The following ESR1 variants were observed in gnomAD, a reference collection of about 807,000 sequenced individuals.
ESR1 encodes the protein estrogen receptor 1, also known as estrogen receptor.
Under a neutral mutation model 52.7 loss-of-function variants are expected in ESR1, and 12 were observed. The observed-to-expected ratio is 0.23, with a 90% CI of 0.15 to 0.37. ESR1 has a LOEUF of 0.37. Ranked by LOEUF, ESR1 falls within the 10% of genes least tolerant of loss-of-function variation. The pLI, the probability that ESR1 is intolerant of heterozygous loss-of-function variation, is 1.00. For missense variants in ESR1, 584 were observed against 779.7 expected, an observed-to-expected ratio of 0.75 and a Z score of 2.99; for synonymous variants, 305 against 316.8, an observed-to-expected ratio of 0.96 and a Z score of 0.39.
intron 3 of ESR1, among the ~76,000 whole-genome samples, chr6:151,892,126 C>T (rs140851595): frequency 2.0e-5 from 3 of 152,256 alleles, no homozygotes; most frequent in Non-Finnish European, 4.4e-5. Flanking sequence ...GACTCTTTAC[C>T]TACTACCTAG....
At chr6:151,842,449 C>T in intron 1 of ESR1, 148 bp from the exon 2 acceptor site, 4 of 790,736 alleles carry the variant, frequency 5.1e-6, no homozygotes, top group Middle Eastern at 7.0e-4. Context: ...CCTTTTGCTG[C>T]AACAGACGGC....
chr6:152,028,157 T>C (rs975748323), intron 5 of ESR1, among the ~76,000 whole-genome samples: 1 of 151,594 alleles, frequency 6.6e-6, no homozygotes, highest in African/African-American at 2.4e-5. Flanking sequence ...AAAAAATAAA[T>C]AGGGGGCGGT....
intron 6 of ESR1, among the ~76,000 whole-genome samples, chr6:152,092,446 C>G (rs548294090): frequency 6.6e-6 from 1 of 151,286 alleles, no homozygotes; most frequent in South Asian, 2.1e-4. Context: ...AGATGTTTCT[C>G]CCATACCCGA....
intron 2 of ESR1, among the ~76,000 whole-genome samples, chr6:151,868,448 C>T (rs1234326945): frequency 1.3e-5 from 2 of 152,090 alleles, no homozygotes; most frequent in African/African-American, 4.8e-5. Context: ...GTTTTTCAGT[C>T]CTTGCCCCTG....
At chr6:151,835,839 C>T (rs1472142640) in intron 1 of ESR1, among the ~76,000 whole-genome samples, 2 of 151,890 alleles carry the variant, frequency 1.3e-5, no homozygotes, top group East Asian at 3.9e-4. Context: ...TTTATCACTC[C>T]CAGAATATAG....
At chr6:151,906,494 TA>T (rs746130923) in intron 3 of ESR1, among the ~76,000 whole-genome samples, 29 of 151,690 alleles carry the variant, frequency 1.9e-4, no homozygotes, top group Non-Finnish European at 3.8e-4. Context: ...ACACAATTAT[TA>T]AAAAATAGTT....
upstream of ESR1, among the ~76,000 whole-genome samples, chr6:151,803,059 C>G (rs527390466): frequency 7.9e-5 from 12 of 151,898 alleles, no homozygotes; most frequent in Admixed American, 5.2e-4. Flanking sequence ...ATCCAGACAC[C>G]TATAATATTA....
At chr6:151,939,600 T>A (rs1053797431) in intron 3 of ESR1, among the ~76,000 whole-genome samples, 4 of 152,088 alleles carry the variant, frequency 2.6e-5, no homozygotes, top group African/African-American at 9.7e-5. Context: ...CTTTTTTTTT[T>A]ACCTTCTTCC....
At chr6:151,842,136 T>G (rs1384622202) in intron 1 of ESR1, among the ~76,000 whole-genome samples, 1 of 152,192 alleles carries the variant, frequency 6.6e-6, no homozygotes, top group Non-Finnish European at 1.5e-5. Context: ...AAATTTGAAT[T>G]GTTATTTTTT....
At chr6:152,097,798 C>G (rs556840603) in intron 7 of ESR1, among the ~76,000 whole-genome samples, 1 of 152,238 alleles carries the variant, frequency 6.6e-6, no homozygotes, top group South Asian at 2.1e-4. Context: ...TGTTTTAGGC[C>G]TAGCAGGGGA....
intron 2 of ESR1, among the ~76,000 whole-genome samples, chr6:151,874,577 G>A (rs1389188130): frequency 1.3e-5 from 2 of 152,152 alleles, no homozygotes; most frequent in East Asian, 1.9e-4. Context: ...AGGCTATGAT[G>A]GAAGCAAATA....
At chr6:151,718,509 C>T (rs886250173) in intron 2 of ESR1, among the ~76,000 whole-genome samples, 6 of 152,066 alleles carry the variant, frequency 3.9e-5, no homozygotes, top group African/African-American at 1.5e-4. Context: ...ACTAAAATAT[C>T]GTATTAGTGT....
At chr6:151,820,388 T>C (rs927269099) in intron 1 of ESR1, among the ~76,000 whole-genome samples, 2 of 152,222 alleles carry the variant, frequency 1.3e-5, no homozygotes, top group African/African-American at 2.4e-5. Context: ...TTGAACACCA[T>C]GTACCCAGGT....
At chr6:151,881,283 A>G (rs942938568) in intron 3 of ESR1, among the ~76,000 whole-genome samples, 1 of 152,204 alleles carries the variant, frequency 6.6e-6, no homozygotes, top group Non-Finnish European at 1.5e-5. Flanking sequence ...TGAACCAGCC[A>G]CTTTCTTAAC....
At chr6:151,848,664 C>T (rs1276942610) in intron 2 of ESR1, among the ~76,000 whole-genome samples, 2 of 152,016 alleles carry the variant, frequency 1.3e-5, no homozygotes, top group African/African-American at 2.4e-5. Context: ...GGAGGCTGCC[C>T]GCCCATCATG....
chr6:151,769,130 T>G (rs1785299387), intron 2 of ESR1, among the ~76,000 whole-genome samples: 8 of 152,216 alleles, frequency 5.3e-5, no homozygotes, highest in Admixed American at 5.2e-4. Flanking sequence ...TAGATCTGAA[T>G]AGCAGAATTG....
chr6:152,048,089 G>A (rs772966419), intron 5 of ESR1, among the ~76,000 whole-genome samples: 5 of 150,294 alleles, frequency 3.3e-5, no homozygotes, highest in Non-Finnish European at 5.9e-5. Context: ...TCACTCCCTC[G>A]GCCTGGCGCG....
At chr6:151,903,340 C>G (rs2128413156) in intron 3 of ESR1, among the ~76,000 whole-genome samples, 1 of 152,274 alleles carries the variant, frequency 6.6e-6, no homozygotes, top group African/African-American at 2.4e-5. Flanking sequence ...TCTTTGTACC[C>G]TGCCAGCTTG....
chr6:151,774,537 A>G (rs1477174849), intron 2 of ESR1, among the ~76,000 whole-genome samples: 2 of 152,202 alleles, frequency 1.3e-5, no homozygotes, highest in African/African-American at 2.4e-5. Flanking sequence ...GAAGCTTGTG[A>G]CAAATTCTTA....
Sources: allele counts gnomAD v4.1 joint callset (sites outside exome capture counted in the v4.1 genomes callset), GRCh38; gene constraint gnomAD v4.1.1; transcripts MANE v1.5; gene names NCBI Gene and HGNC (gene_info 2026-07-23, HGNC 2026-07-21).